UBE4B: variants seen among roughly 807,000 people sequenced by gnomAD.
UBE4B encodes ubiquitination factor E4B, also known as ubiquitin conjugation factor E4 B.
In UBE4B, 27 loss-of-function variants were observed where a neutral mutation model predicts 148.1. The ratio of observed to expected loss-of-function variants is 0.18; its 90% confidence interval spans 0.13 to 0.25. UBE4B has a LOEUF of 0.25. UBE4B is among the 10% of genes least tolerant of loss of function. UBE4B has a pLI of 1.00. For synonymous variants in UBE4B, 596 were observed against 619.3 expected (o/e 0.96, Z 0.56); for missense variants, 1,170 against 1,662.4 (o/e 0.70, Z 5.15).
At chr1:10,153,671 C>T (rs191942675) in intron 21 of UBE4B, among the ~76,000 whole-genome samples, 44 of 151,776 alleles carry the variant, frequency 2.9e-4, no homozygotes, top group Admixed American at 1.3e-3. Context: ...AGTAAAAGGC[C>T]GGGCGTGGTG....
chr1:10,079,221 G>C (rs1644636187), intron 2 of UBE4B, among the ~76,000 whole-genome samples: 1 of 152,128 alleles, frequency 6.6e-6, no homozygotes, highest in South Asian at 2.1e-4. Context: ...CTGTCGCCCA[G>C]GCTGGAGGGC....
At chr1:10,035,897 C>A (rs1334797422) in intron 1 of UBE4B, among the ~76,000 whole-genome samples, 1 of 150,500 alleles carries the variant, frequency 6.6e-6, no homozygotes, top group Non-Finnish European at 1.5e-5. Context: ...GCGCCCGCCA[C>A]CACGCCCGGC....
In UBE4B at chr1:10,063,830, C is replaced by T. The variant is rs146445179; in HGVS notation, c.25-8198C>T. On this transcript the variant is annotated intron_variant, in intron 1 of 27. Coordinates refer to ENST00000343090, the MANE Select transcript of UBE4B (RefSeq NM_001105562.3). Reference sequence around the variant, plus strand: ...GGCTGAGGCAGGAGAATCGCTTGAACCAGGGAGGCAGAGGTTGCAATGAGC... The same window carrying T: ...GGCTGAGGCAGGAGAATCGCTTGAATCAGGGAGGCAGAGGTTGCAATGAGC... Among the ~76,000 whole-genome samples, 808 of 151,870 alleles carry T rather than the reference C, an allele frequency of 5.3e-3. 10 individuals are homozygous for T. The highest frequency in any genetic ancestry group is 0.018 in the African/African-American group (753 of 41,376).
At chr1:10,154,877 T>C (rs529792142) in intron 21 of UBE4B, among the ~76,000 whole-genome samples, 104 of 152,186 alleles carry the variant, frequency 6.8e-4, no homozygotes, top group Non-Finnish European at 1.3e-3. Context: ...GAAGGACATA[T>C]ACCAAAATAG....
At chr1:10,126,302 T>TATAGATAA in intron 10 of UBE4B, among the ~76,000 whole-genome samples, 1 of 147,374 alleles carries the variant, frequency 6.8e-6, no homozygotes, top group East Asian at 2.0e-4. Context: ...TCCGTCTCAA[T>TATAGATAA]ATAGATAGAT....
intron 1 of UBE4B, among the ~76,000 whole-genome samples, chr1:10,045,217 G>T (rs993978074): frequency 1.3e-5 from 2 of 152,210 alleles, no homozygotes; most frequent in Admixed American, 6.5e-5. Flanking sequence ...CCTCACTCGC[G>T]TGCTTGCTTG....
At chr1:10,111,719 G>A (rs1645225065) in intron 7 of UBE4B, among the ~76,000 whole-genome samples, 1 of 152,198 alleles carries the variant, frequency 6.6e-6, no homozygotes, top group African/African-American at 2.4e-5. Context: ...CACTTTGAGA[G>A]GCCGAGGTGG....
chr1:10,114,820 C>A (rs1645280770), intron 7 of UBE4B, among the ~76,000 whole-genome samples: 1 of 152,098 alleles, frequency 6.6e-6, no homozygotes, highest in South Asian at 2.1e-4. Flanking sequence ...GCAGAGATCA[C>A]ACCACTGCTC....
At chr1:10,094,681 G>T (rs756099084) in intron 2 of UBE4B, among the ~76,000 whole-genome samples, 1 of 151,930 alleles carries the variant, frequency 6.6e-6, no homozygotes, top group African/African-American at 2.4e-5. Flanking sequence ...TGATTCACCC[G>T]CCTCGACCTC....
At chr1:10,118,194 A>G (rs1022149239) in intron 8 of UBE4B, among the ~76,000 whole-genome samples, 2 of 151,832 alleles carry the variant, frequency 1.3e-5, no homozygotes, top group East Asian at 3.9e-4. Flanking sequence ...TTTTATTCCT[A>G]TTTCATTTTC....
intron 17 of UBE4B, 40 bp from the exon 18 acceptor site, chr1:10,144,900 G>A (rs377036893): frequency 8.3e-5 from 124 of 1,487,462 alleles, no homozygotes; most frequent in Middle Eastern, 1.7e-4. Context: ...AGATGGATCC[G>A]GCTGTTTTCT....
At chr1:10,154,575 C>G (rs1420609457) in intron 21 of UBE4B, among the ~76,000 whole-genome samples, 1 of 151,684 alleles carries the variant, frequency 6.6e-6, no homozygotes, top group Non-Finnish European at 1.5e-5. Context: ...CAGTGACTCA[C>G]GCCTGTAATC....
rs1186138913 is a variant in UBE4B, at chr1:10,125,472, CA to C, written c.1555-1321del. Among the ~76,000 whole-genome samples, 3 of 152,352 alleles carry C rather than the reference CA, an allele frequency of 2.0e-5. No homozygotes were observed. The East Asian group carries it at 5.8e-4, about 29-fold the overall frequency. ...CCAGAGCTGTATTGATATCTCACAA[CA>C]CTCCACGGACACTTTGTCATCCAGG... is the stretch of plus-strand genomic sequence containing the variant. On this transcript the variant is annotated intron_variant, in intron 10 of 27. Transcript: ENST00000343090.
In UBE4B at chr1:10,181,205, A is replaced by G. The variant is rs1646498409; in HGVS notation, c.*1249A>G. 1 of 151,084 alleles carries G rather than the reference A, an allele frequency of 6.6e-6. No homozygotes were observed. The highest frequency in any genetic ancestry group is 2.4e-5 in the African/African-American group (1 of 41,032). The allele number at this position is 151,084 out of a possible 1,614,324, so 9.4% of individuals were successfully genotyped here. ...TGTCCTCTGTTCAATTCCTAACGCAAACTACAATAAATGGTGACACACGTT... is the reference window on the plus strand; with the variant it reads ...TGTCCTCTGTTCAATTCCTAACGCAGACTACAATAAATGGTGACACACGTT... On this transcript the variant is annotated 3_prime_UTR_variant, in exon 28 of 28. Transcript: ENST00000343090.
chr1:10,165,362 C>G (rs1244728843), intron 23 of UBE4B, among the ~76,000 whole-genome samples: 4 of 152,142 alleles, frequency 2.6e-5, no homozygotes, highest in Non-Finnish European at 5.9e-5. Context: ...CTTCTCAGCA[C>G]CTCCAGACCG....
At position 10,072,081 on chromosome 1, in the gene UBE4B, C is replaced by T. The variant is rs1432743656; in HGVS notation, c.78C>T (p.Thr26=). 6.2e-7 allele frequency: 1 copy of T among 1,612,634 alleles called. No homozygotes were observed. The highest frequency in any genetic ancestry group is 8.5e-7 in the Non-Finnish European group (1 of 1,179,458). ...CTGGTGGACAGACCTCTCAGCCAAC[C>T]ACCCCACTCACCTCTCCCCAGAGGG... is the stretch of plus-strand genomic sequence containing the variant. The part of the protein sequence containing the change: ...RLAGGQTSQP[T]TPLTSPQREN... Residue 26 remains threonine, a synonymous_variant, in exon 2 of 28, where the codon ACC becomes ACT. Transcript: ENST00000343090.
chr1:10,106,197 C>T lies in UBE4B; in HGVS notation c.810C>T (p.Ser270=). 6.3e-7 allele frequency: 1 copy of T among 1,581,724 alleles called. No individual in the cohort carries two copies. ...VASFGASSLS[S]LYESSPAPTP... ...TTCCTCCCTTTCTCAACTAATTTAG[C>T]CTCTATGAAAGTAGTCCGGCTCCCA... is the stretch of plus-strand genomic sequence containing the variant. Residue 270 remains serine (S), a splice_region_variant and synonymous_variant, in exon 7 of 28, where the codon AGC becomes AGT. Coordinates refer to ENST00000343090, the MANE Select transcript of UBE4B (RefSeq NM_001105562.3). The surrounding 1 kb of genome is among the most constrained non-coding windows in gnomAD (Gnocchi z 4.2).
chr1:10,101,285 C>G, intron 4 of UBE4B, 90 bp downstream of exon 4: 1 of 1,279,220 alleles, frequency 7.8e-7, no homozygotes, highest in South Asian at 1.3e-5. Flanking sequence ...TTGGGGCCAC[C>G]CGAAATCAGG....
chr1:10,062,916 A>G (rs1033960167), intron 1 of UBE4B, among the ~76,000 whole-genome samples: 2 of 147,976 alleles, frequency 1.4e-5, no homozygotes, highest in Non-Finnish European at 3.0e-5. Context: ...AGATTGCACC[A>G]TTGCACTCCA....
Sources: gnomAD v4.1 joint callset for allele counts (sites outside exome capture counted in the v4.1 genomes callset) on GRCh38, gnomAD v4.1.1 for gene constraint, Gnocchi (gnomAD v3.1) non-coding constraint, MANE v1.5 for transcripts, NCBI Gene and HGNC (gene_info 2026-07-23, HGNC 2026-07-21) for gene names.